Variants in BABAM2 observed in about 807,000 individuals in gnomAD.
The protein encoded by BABAM2 is BRISC and BRCA1-A complex member 2.
BABAM2 carries 31 observed loss-of-function variants against 54.7 expected under a neutral mutation model. The ratio of observed to expected loss-of-function variants is 0.57; its 90% CI spans 0.43 to 0.77. The LOEUF (loss-of-function observed/expected upper bound fraction) is 0.77. Among genes scored for constraint, BABAM2 ranks in the 30% least tolerant of loss-of-function variants. BABAM2 has a pLI of 0.00. For missense variants in BABAM2, 364 were observed against 455.8 expected (o/e 0.80, Z 1.83); for synonymous variants, 167 against 162.9 (o/e 1.03, Z -0.19).
chr2:28,000,894 G>A (rs1673533768), intron 4 of BABAM2, among the ~76,000 whole-genome samples: 1 of 151,962 alleles, frequency 6.6e-6, no homozygotes, highest in Non-Finnish European at 1.5e-5. Context: ...ATTTGTTTGT[G>A]TTTTTTTGTG....
chr2:27,921,352 A>G (rs1667334327), intron 2 of BABAM2, among the ~76,000 whole-genome samples: 1 of 152,170 alleles, frequency 6.6e-6, no homozygotes. Context: ...TTTTCTAGGT[A>G]CTTAATAAAA....
chr2:28,199,510 T>C (rs1298076960), intron 7 of BABAM2, among the ~76,000 whole-genome samples: 1 of 152,202 alleles, frequency 6.6e-6, no homozygotes, highest in Non-Finnish European at 1.5e-5. Flanking sequence ...AGCACTCAAA[T>C]TTTTTGAATG....
At chr2:28,181,296 C>T (rs1304790028) in intron 7 of BABAM2, among the ~76,000 whole-genome samples, 1 of 152,028 alleles carries the variant, frequency 6.6e-6, no homozygotes, top group Admixed American at 6.6e-5. Flanking sequence ...TACTACTTGG[C>T]CATAAAGAGT....
In BABAM2 at chr2:28,241,316, A is replaced by G. The variant is rs753801674; in HGVS notation, c.781-7A>G. 1.2e-5 allele frequency: 20 copies of G among 1,613,682 alleles called. No homozygotes were observed. In the South Asian group the frequency reaches 2.2e-4, roughly 18 times the overall value. ...CTCTACTTCTCAGCTTTGGGTTTCT[A>G]TTCCAGGTGCAGTACGTGATTCAAG... On this transcript the variant is annotated splice_region_variant and splice_polypyrimidine_tract_variant and intron_variant, in intron 8 of 11. Coordinates refer to ENST00000379624, the MANE Select transcript of BABAM2 (RefSeq NM_199191.3).
At chr2:28,114,646 A>T (rs1668450040) in intron 6 of BABAM2, among the ~76,000 whole-genome samples, 1 of 152,206 alleles carries the variant, frequency 6.6e-6, no homozygotes, top group Non-Finnish European at 1.5e-5. Flanking sequence ...GACTCAGTGA[A>T]CACCATATAA....
In BABAM2 at chr2:27,974,012, G is replaced by C. The variant is rs1671409369; in HGVS notation, c.206-13981G>C. On this transcript the variant is annotated intron_variant, in intron 3 of 11. Coordinates refer to ENST00000379624, the MANE Select transcript of BABAM2 (RefSeq NM_199191.3). ...TCACTCAGAAAGAAATAGATTATCT[G>C]ATTAATCCTATATCTGTTAAATAAA... 5.3e-5 allele frequency among the ~76,000 whole-genome samples: 8 copies of C among 151,968 alleles called. No individual in the cohort carries two copies. In the South Asian group the frequency reaches 1.7e-3, roughly 32 times the overall value.
At chr2:27,985,432 T>C (rs1359908399) in intron 3 of BABAM2, among the ~76,000 whole-genome samples, 1 of 152,064 alleles carries the variant, frequency 6.6e-6, no homozygotes, top group Non-Finnish European at 1.5e-5. Flanking sequence ...ATGAGTAAGG[T>C]GGTAATCGTA....
chr2:28,307,253 T>G (rs903676071), intron 11 of BABAM2, among the ~76,000 whole-genome samples: 10 of 151,612 alleles, frequency 6.6e-5, no homozygotes, highest in African/African-American at 2.4e-4. Flanking sequence ...GTGATCCACC[T>G]GCCTTGGCCT....
At chr2:28,015,893 A>G (rs1054400795) in intron 4 of BABAM2, 1 of 591,434 alleles carries the variant, frequency 1.7e-6, no homozygotes, top group African/African-American at 1.9e-5. Context: ...TCCTCCATAT[A>G]CTCTGATTCT....
chr2:27,894,555 A>G lies in BABAM2; in HGVS notation c.-2A>G, dbSNP rs371787661. The G allele has an allele frequency of 2.6e-5, 42 of 1,613,876 alleles. No homozygotes were observed. Among genetic ancestry groups the G allele is most frequent in the Non-Finnish European group, 3.5e-5 (41 of 1,179,876 alleles). On this transcript the variant is annotated 5_prime_UTR_variant, in exon 2 of 12. Transcript: ENST00000379624. ...CAGTGGTGATTTACAAGTCAAGTTA[A>G]AATGTCCCCAGAAGTGGCCTTGAAC... is the stretch of plus-strand genomic sequence containing the variant.
chr2:28,141,285 A>T (rs1368372780), intron 7 of BABAM2, among the ~76,000 whole-genome samples: 1 of 151,024 alleles, frequency 6.6e-6, no homozygotes, highest in Non-Finnish European at 1.5e-5. Context: ...ATCATTTAGT[A>T]AACTTGTTCT....
intron 10 of BABAM2, among the ~76,000 whole-genome samples, chr2:28,289,065 C>T (rs1426118019): frequency 9.2e-5 from 14 of 151,654 alleles, no homozygotes; most frequent in Admixed American, 5.3e-4. Flanking sequence ...TATACACACG[C>T]GCACACACAC....
chr2:28,152,143 C>G (rs1045289689), intron 7 of BABAM2, among the ~76,000 whole-genome samples: 1 of 152,176 alleles, frequency 6.6e-6, no homozygotes. Context: ...TTTCTATCCC[C>G]CAAAGAGCCA....
Position 28,129,302 on chromosome 2 carries a change from C to G in BABAM2, c.602C>G (p.Ala201Gly). Reference protein sequence around the residue: ...DVNEDPGEDVALLSVSFEDTE... With the variant: ...DVNEDPGEDVGLLSVSFEDTE... ...AATGAAGACCCTGGAGAAGATGTGG[C>G]CCTCCTCTCTGTTAGTTTTGAGGAC... Residue 201 changes from alanine to glycine, a missense_variant, in exon 7 of 12, where the codon GCC (alanine) becomes GGC (glycine). Transcript: ENST00000379624. The G allele has an allele frequency of 6.2e-7, 1 of 1,613,994 alleles. No homozygotes were observed. The highest frequency in any genetic ancestry group is 8.5e-7 in the Non-Finnish European group (1 of 1,179,906).
chr2:28,009,188 T>C (rs1287504599), intron 4 of BABAM2, among the ~76,000 whole-genome samples: 2 of 152,078 alleles, frequency 1.3e-5, no homozygotes, highest in African/African-American at 4.8e-5. Context: ...GAATAGATTG[T>C]ATAGGGCCAA....
intron 10 of BABAM2, among the ~76,000 whole-genome samples, chr2:28,279,808 A>C (rs1029365712): frequency 3.3e-5 from 5 of 151,824 alleles, no homozygotes; most frequent in Non-Finnish European, 5.9e-5. Flanking sequence ...TGGGATTTAC[A>C]GGCATGCGCC....
At chr2:28,019,220 T>C (rs1188428751) in intron 4 of BABAM2, among the ~76,000 whole-genome samples, 1 of 152,242 alleles carries the variant, frequency 6.6e-6, no homozygotes, top group Non-Finnish European at 1.5e-5. Flanking sequence ...ATGGTATATA[T>C]ATGCCACATT....
At chr2:28,250,245 T>A (rs1202291518) in intron 10 of BABAM2, among the ~76,000 whole-genome samples, 3 of 150,874 alleles carry the variant, frequency 2.0e-5, no homozygotes, top group Admixed American at 1.3e-4. Context: ...CCCTGAGCCC[T>A]GAGGCAGCAA....
At chr2:28,062,505 G>A (rs1678964912) in intron 6 of BABAM2, among the ~76,000 whole-genome samples, 1 of 149,358 alleles carries the variant, frequency 6.7e-6, no homozygotes, top group African/African-American at 2.5e-5. Context: ...GGAGGTTGCA[G>A]TGAGCCAAGA....
Sources: gnomAD v4.1 joint callset for allele counts (sites outside exome capture counted in the v4.1 genomes callset) on GRCh38, gnomAD v4.1.1 for gene constraint, MANE v1.5 for transcripts, NCBI Gene and HGNC (gene_info 2026-07-23, HGNC 2026-07-21) for gene names.